EPHA6: variants seen among roughly 807,000 people sequenced by gnomAD.
The protein encoded by EPHA6 is ephrin type-A receptor 6.
Under a neutral mutation model 112.0 loss-of-function variants are expected in EPHA6, and 50 were observed. The ratio of observed to expected loss-of-function variants is 0.45; its 90% confidence interval spans 0.36 to 0.56. EPHA6 has a LOEUF of 0.56. Among genes scored for constraint, EPHA6 ranks in the 20% least tolerant of loss-of-function variants. The probability of loss-of-function intolerance (pLI) is 0.00; values close to 1 mark genes in which losing one functional copy is unlikely to be tolerated. For missense variants in EPHA6, 1,280 were observed against 1,417.4 expected (o/e 0.90, Z 1.56); for synonymous variants, 529 against 490.7 (o/e 1.08, Z -1.03).
At chr3:97,229,235 T>A (rs1009490334) in intron 4 of EPHA6, among the ~76,000 whole-genome samples, 7 of 152,174 alleles carry the variant, frequency 4.6e-5, no homozygotes, top group Non-Finnish European at 1.0e-4. Flanking sequence ...GTCTTATCTA[T>A]TTGTCTTTGG....
chr3:97,476,822 C>T (rs2091381597), intron 8 of EPHA6, among the ~76,000 whole-genome samples: 1 of 151,940 alleles, frequency 6.6e-6, no homozygotes, highest in East Asian at 1.9e-4. Flanking sequence ...GGAAAGAAGG[C>T]ACTTTACAAC....
chr3:96,963,226 A>C (rs2042009153), intron 2 of EPHA6, among the ~76,000 whole-genome samples: 1 of 151,960 alleles, frequency 6.6e-6, no homozygotes, highest in Admixed American at 6.6e-5. Flanking sequence ...AAACCAACTT[A>C]AAAGGGTAAA....
At chr3:96,826,107 A>G (rs1457532659) in intron 1 of EPHA6, among the ~76,000 whole-genome samples, 2 of 151,922 alleles carry the variant, frequency 1.3e-5, no homozygotes, top group Non-Finnish European at 2.9e-5. Flanking sequence ...TATAATCTTT[A>G]TACAGTATCT....
In EPHA6 at chr3:97,539,022, T is replaced by TCTTTCTTG. The variant is rs1553805953; in HGVS notation, c.2386+6486_2386+6487insGCTTTCTT. On this transcript the variant is annotated intron_variant, in intron 11 of 17. Transcript: ENST00000389672. ...TTCTTTCTTTCTTTCTTTCTTTCTT[T>TCTTTCTTG]CTTTCTTTCTTTCTTGCTTTCTTTC... 3.9e-3 allele frequency among the ~76,000 whole-genome samples: 584 copies of TCTTTCTTG among 150,836 alleles called. 1 individual carries two copies. The highest frequency in any genetic ancestry group is 0.014 in the African/African-American group (558 of 40,634).
At chr3:97,068,833 C>G (rs72918292) in intron 3 of EPHA6, among the ~76,000 whole-genome samples, 8,248 of 152,122 alleles carry the variant, frequency 0.054, 726 homozygotes, top group African/African-American at 0.18. Flanking sequence ...GGAGAGATCT[C>G]CAGTCCACAA....
In EPHA6 at chr3:97,353,284, T is replaced by A. The variant is rs183851894; in HGVS notation, c.1607-51866T>A. ...AAGGAGAGGGAAGAGTAAAAGAAAC[T>A]TTGTCTTGCAGCTAGGACACCAGCT... On this transcript the variant is annotated intron_variant, in intron 5 of 17. Transcript: ENST00000389672. 1.8e-4 allele frequency among the ~76,000 whole-genome samples: 27 copies of A among 151,484 alleles called. No individual in the cohort carries two copies. In the East Asian group the frequency reaches 5.2e-3, roughly 29 times the overall value.
At chr3:96,871,190 A>G (rs1192218945) in intron 2 of EPHA6, among the ~76,000 whole-genome samples, 1 of 152,010 alleles carries the variant, frequency 6.6e-6, no homozygotes, top group Non-Finnish European at 1.5e-5. Flanking sequence ...TTGTTAATTA[A>G]TCAATTCTAT....
chr3:97,045,366 C>A (rs976433898), intron 3 of EPHA6, among the ~76,000 whole-genome samples: 1 of 151,916 alleles, frequency 6.6e-6, no homozygotes, highest in African/African-American at 2.4e-5. Context: ...CGGTATGTCA[C>A]AAAATGATAA....
At chr3:97,416,539 G>A (rs953332296) in intron 6 of EPHA6, among the ~76,000 whole-genome samples, 2 of 152,106 alleles carry the variant, frequency 1.3e-5, no homozygotes, top group Non-Finnish European at 2.9e-5. Flanking sequence ...AACTTGGCAA[G>A]TTGAAGGAAG....
intron 5 of EPHA6, among the ~76,000 whole-genome samples, chr3:97,254,353 T>C (rs1399846862): frequency 6.6e-6 from 1 of 151,860 alleles, no homozygotes; most frequent in African/African-American, 2.4e-5. Context: ...CACGCCAGGG[T>C]AATTTTTTGT....
intron 5 of EPHA6, among the ~76,000 whole-genome samples, chr3:97,350,862 A>G (rs1217100864): frequency 6.6e-6 from 1 of 152,106 alleles, no homozygotes; most frequent in African/African-American, 2.4e-5. Context: ...TCTTGCTAAC[A>G]GGGTCTAATT....
chr3:97,092,170 C>A (rs2047090788), intron 3 of EPHA6, among the ~76,000 whole-genome samples: 1 of 151,188 alleles, frequency 6.6e-6, no homozygotes, highest in Non-Finnish European at 1.5e-5. Flanking sequence ...AACGTTTTCC[C>A]TGGGAAAGCA....
chr3:97,691,525 A>T (rs2107708914), intron 14 of EPHA6, among the ~76,000 whole-genome samples: 1 of 152,296 alleles, frequency 6.6e-6, no homozygotes, highest in East Asian at 1.9e-4. Context: ...AGCCTAGTAA[A>T]TGATTTCATA....
chr3:97,712,450 G>A (rs760847461), intron 14 of EPHA6, among the ~76,000 whole-genome samples: 2 of 152,084 alleles, frequency 1.3e-5, no homozygotes, highest in Admixed American at 1.3e-4. Context: ...GAAGTGATAG[G>A]TTGTTTTGAA....
At chr3:97,341,418 A>C (rs1157763916) in intron 5 of EPHA6, among the ~76,000 whole-genome samples, 1 of 151,690 alleles carries the variant, frequency 6.6e-6, no homozygotes, top group Non-Finnish European at 1.5e-5. Flanking sequence ...GCAGTGGCAC[A>C]ATCTCAGCTC....
At chr3:96,899,027 C>CA (rs556213009) in intron 2 of EPHA6, among the ~76,000 whole-genome samples, 5,786 of 114,632 alleles carry the variant, frequency 0.05, 142 homozygotes, top group Middle Eastern at 0.1. Context: ...AACTCCATCT[C>CA]AAAAAAAAAA....
chr3:96,989,882 C>T (rs377059297), intron 3 of EPHA6, among the ~76,000 whole-genome samples: 1 of 152,134 alleles, frequency 6.6e-6, no homozygotes, highest in South Asian at 2.1e-4. Context: ...TGGGTGGGGA[C>T]ATAGACACAC....
At chr3:97,549,228 T>C (rs1383305542) in intron 11 of EPHA6, among the ~76,000 whole-genome samples, 1 of 152,210 alleles carries the variant, frequency 6.6e-6, no homozygotes, top group Admixed American at 6.5e-5. Context: ...ATCATGTGTT[T>C]ACTGCCTCTT....
chr3:97,186,444 A>G (rs1255076862), intron 3 of EPHA6, among the ~76,000 whole-genome samples: 1 of 152,124 alleles, frequency 6.6e-6, no homozygotes. Context: ...GATCTTGTTG[A>G]GATATGCCCC....
Sources: allele counts gnomAD v4.1 joint callset (sites outside exome capture counted in the v4.1 genomes callset), GRCh38; gene constraint gnomAD v4.1.1; transcripts MANE v1.5; gene names NCBI Gene and HGNC (gene_info 2026-07-23, HGNC 2026-07-21).